The following EPB41L1 variants were observed in gnomAD, a reference collection of about 807,000 sequenced individuals.
EPB41L1 encodes erythrocyte membrane protein band 4.1 like 1.
A neutral mutation model predicts 97.8 loss-of-function variants in EPB41L1; 29 were observed. That is an observed-to-expected ratio of 0.30 (90% confidence interval 0.22 to 0.40). EPB41L1 has a LOEUF of 0.40. EPB41L1 is among the 10% of genes least tolerant of loss of function. The pLI, the probability that EPB41L1 is intolerant of heterozygous loss-of-function variation, is 1.00. For synonymous variants in EPB41L1, 383 were observed against 459.2 expected (o/e 0.83, Z 2.12); for missense variants, 812 against 1,162.3 (o/e 0.70, Z 4.38).
At chr20:36,204,340 GA>G (rs2062669750) in intron 14 of EPB41L1, among the ~76,000 whole-genome samples, 1 of 152,068 alleles carries the variant, frequency 6.6e-6, no homozygotes, top group Non-Finnish European at 1.5e-5. Context: ...GCCACAAGAT[GA>G]AAAACCCAGT....
chr20:36,116,048 T>C (rs75960317), intron 2 of EPB41L1, among the ~76,000 whole-genome samples: 3 of 152,306 alleles, frequency 2.0e-5, no homozygotes, highest in African/African-American at 7.2e-5. Context: ...CCAGAGCCTG[T>C]ACTACAACCC....
Position 36,222,410 on chromosome 20 carries a change from C to T in EPB41L1, c.2637+16C>T. On this transcript the variant is annotated intron_variant, in intron 21 of 21. Transcript: ENST00000338074. The stretch of plus-strand genomic sequence containing the variant: ...GAAGCCACAGGTAAGGCTCCTGAGG[C>T]CCAGCAACCATGAGAGAGAGGAGGG... The T allele has an allele frequency of 6.3e-7, 1 of 1,592,120 alleles. No homozygotes were observed. The highest frequency in any genetic ancestry group is 1.8e-4 in the Middle Eastern group (1 of 5,692).
intron 2 of EPB41L1, 86 bp from the exon 3 acceptor site, chr20:36,175,465 A>G (rs2061187314): frequency 6.6e-7 from 1 of 1,525,744 alleles, no homozygotes; most frequent in Non-Finnish European, 9.1e-7. Context: ...TCTTGGCCCC[A>G]GATGCCTCTA....
At chr20:36,120,344 C>T (rs989634759) in intron 2 of EPB41L1, among the ~76,000 whole-genome samples, 6 of 152,176 alleles carry the variant, frequency 3.9e-5, no homozygotes, top group African/African-American at 9.7e-5. Context: ...GAGTCTTATC[C>T]GCTGGACTGT....
chr20:36,155,672 C>T (rs1044854665), intron 1 of EPB41L1: 15 of 455,638 alleles, frequency 3.3e-5, no homozygotes, highest in Non-Finnish European at 6.6e-5. Flanking sequence ...TGGACAAGGA[C>T]CAAAAGGGAG....
intron 17 of EPB41L1, 21 bp from the exon 18 acceptor site, chr20:36,218,855 T>A (rs755476115): frequency 1.9e-6 from 3 of 1,613,386 alleles, no homozygotes; most frequent in Non-Finnish European, 2.5e-6. Context: ...GCTGGCCATC[T>A]GAGCACTATT....
chr20:36,180,264 T>G lies in EPB41L1; in HGVS notation c.490+1592T>G, dbSNP rs182965682. On this transcript the variant is annotated intron_variant, in intron 5 of 21. Coordinates refer to ENST00000338074, the MANE Select transcript of EPB41L1 (RefSeq NM_012156.2). ...CCCAGTGGAGCAATTTTTTGCCCTC[T>G]GTGACAGCACCTCAGCCTTCTGAAG... 2.1e-3 allele frequency among the ~76,000 whole-genome samples: 322 copies of G among 152,342 alleles called. 7 individuals are homozygous for G. Among genetic ancestry groups the G allele is most frequent in the Admixed American group, 0.021 (319 of 15,306 alleles).
intron 16 of EPB41L1, among the ~76,000 whole-genome samples, chr20:36,214,076 A>C (rs990824479): frequency 7.9e-5 from 12 of 152,158 alleles, no homozygotes; most frequent in Non-Finnish European, 1.5e-4. Flanking sequence ...TTATATCCAA[A>C]GAGTCAGTTC....
At chr20:36,201,587 A>T (rs915350346) in intron 14 of EPB41L1, among the ~76,000 whole-genome samples, 1 of 152,194 alleles carries the variant, frequency 6.6e-6, no homozygotes, top group Non-Finnish European at 1.5e-5. Context: ...CCCATCAAGG[A>T]GGCAGGCAAA....
At chr20:36,164,028 G>A (rs2145707781) in intron 1 of EPB41L1, among the ~76,000 whole-genome samples, 1 of 152,280 alleles carries the variant, frequency 6.6e-6, no homozygotes, top group Non-Finnish European at 1.5e-5. Flanking sequence ...ATTTTTAGTA[G>A]AGACAGGGTT....
At chr20:36,144,891 T>C (rs2059777307) in intron 2 of EPB41L1, among the ~76,000 whole-genome samples, 1 of 152,222 alleles carries the variant, frequency 6.6e-6, no homozygotes, top group Non-Finnish European at 1.5e-5. Context: ...ATAAGGAAAC[T>C]GAGGCACAAA....
intron 2 of EPB41L1, among the ~76,000 whole-genome samples, chr20:36,120,329 G>A (rs2058712530): frequency 1.3e-5 from 2 of 152,216 alleles, no homozygotes; most frequent in Non-Finnish European, 2.9e-5. Flanking sequence ...ACCAGAGGCT[G>A]TGCTGAGTCT....
chr20:36,185,420 A>T, intron 7 of EPB41L1, 85 bp downstream of exon 7: 1 of 1,315,190 alleles, frequency 7.6e-7, no homozygotes, highest in East Asian at 2.5e-5. Flanking sequence ...AGGCCGCCAC[A>T]TACTGTGCTG....
intron 2 of EPB41L1, among the ~76,000 whole-genome samples, chr20:36,145,395 C>CAAAA (rs1188803832): frequency 1.5e-5 from 1 of 65,634 alleles, no homozygotes; most frequent in African/African-American, 5.3e-5. Context: ...GACTCCATCT[C>CAAAA]AAAAAAAAAA....
chr20:36,187,576 A>G (rs2061735477), intron 7 of EPB41L1, 100 bp from the exon 8 acceptor site: 1 of 947,310 alleles, frequency 1.1e-6, no homozygotes, highest in South Asian at 1.4e-5. Context: ...AGCATATTTG[A>G]CTTTCTAGAA....
At position 36,145,825 on chromosome 20, in the gene EPB41L1, G is replaced by A. The variant is rs371863663; in HGVS notation, c.-9-29726G>A. On this transcript the variant is annotated intron_variant, in intron 2 of 19. Transcript: ENST00000202028. ...ATTTGGCCAGTTGCTAGACAGTGCA[G>A]TGCACTTGGTTTGTCATTCAAGGCT... 2.6e-5 allele frequency among the ~76,000 whole-genome samples: 4 copies of A among 152,210 alleles called. No individual in the cohort carries two copies. In the East Asian group the frequency reaches 5.8e-4, roughly 22 times the overall value.
chr20:36,096,337 A>G (rs987023891), intron 1 of EPB41L1, among the ~76,000 whole-genome samples: 2 of 152,108 alleles, frequency 1.3e-5, no homozygotes, highest in African/African-American at 4.8e-5. Context: ...GACTAATGCA[A>G]TGACTCTTTG....
intron 1 of EPB41L1, among the ~76,000 whole-genome samples, chr20:36,098,346 G>C (rs746822737): frequency 6.6e-6 from 1 of 152,176 alleles, no homozygotes; most frequent in South Asian, 2.1e-4. Context: ...CATGAAGCAC[G>C]CAAACCAGGT....
chr20:36,181,313 T>C (rs571491152), intron 5 of EPB41L1, among the ~76,000 whole-genome samples: 4 of 152,334 alleles, frequency 2.6e-5, no homozygotes, highest in Admixed American at 2.6e-4. Flanking sequence ...GTACCTCATA[T>C]CTACCTGCCT....
Sources: allele counts gnomAD v4.1 joint callset (sites outside exome capture counted in the v4.1 genomes callset), GRCh38; gene constraint gnomAD v4.1.1; transcripts MANE v1.5; gene names NCBI Gene and HGNC (gene_info 2026-07-23, HGNC 2026-07-21).